Variants in FAT3 observed in about 807,000 individuals in gnomAD.
The protein encoded by FAT3 is protocadherin Fat 3.
In FAT3, 95 loss-of-function variants were observed where a neutral mutation model predicts 310.2. The observed-to-expected ratio is 0.31, with a 90% CI of 0.26 to 0.36. FAT3 has a LOEUF of 0.36. Among genes scored for constraint, FAT3 ranks in the 10% least tolerant of loss-of-function variants. The pLI, the probability that FAT3 is intolerant of heterozygous loss-of-function variation, is 1.00. For missense variants in FAT3, 5,408 were observed against 5,715.6 expected, an observed-to-expected ratio of 0.95 and a Z score of 1.74; for synonymous variants, 2,314 against 2,192.9, an observed-to-expected ratio of 1.06 and a Z score of -1.54.
chr11:92,840,420 C>G, intron 17 of FAT3, 142 bp from the exon 18 acceptor site: 1 of 685,184 alleles, frequency 1.5e-6, no homozygotes, highest in Non-Finnish European at 2.3e-6. Context: ...ACAGGGAATC[C>G]CTTCTGCTGA....
At chr11:92,509,837 A>G (rs1237200446) in intron 2 of FAT3, among the ~76,000 whole-genome samples, 2 of 152,220 alleles carry the variant, frequency 1.3e-5, no homozygotes, top group Non-Finnish European at 2.9e-5. Flanking sequence ...AGACACCAAC[A>G]GTTATTATCT....
In FAT3 at chr11:92,370,739, G is replaced by T. The variant is rs1204599648; in HGVS notation, c.3292+15335G>T. Among the ~76,000 whole-genome samples the T allele has an allele frequency of 1.3e-5, 2 of 152,140 alleles. 1 individual carries two copies. ...TCAGAAATGGAGTGAGTTTGAGTTT[G>T]GTTTATGGTCACTAAATTCTTGTGT... On this transcript the variant is annotated intron_variant, in intron 2 of 27. Transcript: ENST00000525166.
chr11:92,742,283 C>T (rs1440969192), intron 4 of FAT3, among the ~76,000 whole-genome samples: 2 of 152,178 alleles, frequency 1.3e-5, no homozygotes, highest in African/African-American at 4.8e-5. Flanking sequence ...AAGGGACAAA[C>T]AGTACAGCAG....
intron 2 of FAT3, among the ~76,000 whole-genome samples, chr11:92,412,752 C>CACATATATATATATATATATAT (rs1565296555): frequency 4.1e-5 from 1 of 24,274 alleles, no homozygotes; most frequent in African/African-American, 1.1e-4. Flanking sequence ...TATAAATATA[C>CACATATATATATATATATATAT]ATACATATAT....
At chr11:92,718,348 A>G (rs1944751783) in intron 4 of FAT3, among the ~76,000 whole-genome samples, 1 of 152,066 alleles carries the variant, frequency 6.6e-6, no homozygotes, top group African/African-American at 2.4e-5. Flanking sequence ...GGAAATGGAG[A>G]TGAGCTTGGG....
At chr11:92,740,239 CA>C (rs1452353196) in intron 4 of FAT3, among the ~76,000 whole-genome samples, 1 of 152,116 alleles carries the variant, frequency 6.6e-6, no homozygotes, top group East Asian at 1.9e-4. Context: ...AATGCCTTTT[CA>C]ATGTTTTTGG....
chr11:92,379,456 A>G (rs1267850520), intron 2 of FAT3, among the ~76,000 whole-genome samples: 1 of 152,150 alleles, frequency 6.6e-6, no homozygotes, highest in Non-Finnish European at 1.5e-5. Flanking sequence ...ATGAGCAGGA[A>G]AGCATCTTTT....
chr11:92,590,086 G>A (rs184017115), intron 3 of FAT3, among the ~76,000 whole-genome samples: 9 of 152,076 alleles, frequency 5.9e-5, no homozygotes, highest in East Asian at 1.9e-4. Context: ...TTTTCTCCAC[G>A]AAACTGCTAG....
chr11:92,448,504 C>T (rs72972445), intron 2 of FAT3, among the ~76,000 whole-genome samples: 4,878 of 152,192 alleles, frequency 0.032, 87 homozygotes, highest in African/African-American at 0.036. Context: ...CTTTAAGATG[C>T]AAAATCTATA....
chr11:92,610,252 T>C (rs1940499529), intron 3 of FAT3, among the ~76,000 whole-genome samples: 1 of 152,200 alleles, frequency 6.6e-6, no homozygotes, highest in African/African-American at 2.4e-5. Flanking sequence ...CTAGCCGATG[T>C]ATAGCTTTCA....
intron 2 of FAT3, chr11:92,367,264 G>A: frequency 3.8e-6 from 1 of 261,440 alleles, no homozygotes; most frequent in Non-Finnish European, 7.7e-6. Flanking sequence ...GGCTGTCTGG[G>A]CATGTGGTGC....
intron 3 of FAT3, among the ~76,000 whole-genome samples, chr11:92,526,390 G>A (rs607995): frequency 0.63 from 95,411 of 152,020 alleles, 30,761 homozygotes; most frequent in African/African-American, 0.79. Context: ...GAGGCCACAG[G>A]TATCTTCACA....
chr11:92,601,682 T>G (rs886668482), intron 3 of FAT3, among the ~76,000 whole-genome samples: 8 of 152,144 alleles, frequency 5.3e-5, no homozygotes, highest in African/African-American at 1.9e-4. Flanking sequence ...GACATAAAGT[T>G]GGAGGTAGAG....
Position 92,840,563 on chromosome 11 carries a change from A to C in FAT3, c.10370A>C (p.Glu3457Ala). The C allele has an allele frequency of 6.3e-7, 1 of 1,582,026 alleles. No homozygotes were observed. The highest frequency in any genetic ancestry group is 8.7e-7 in the Non-Finnish European group (1 of 1,155,966). ...TTTACTATATACTCTTTTATGCAGG[A>C]AAATAAGCCAGTGGGCACCAGCATC... ...TPANYTAVIQ[E>A]NKPVGTSILQ... The change falls in exon 18 of 28, where the codon GAA (glutamate) becomes GCA (alanine). Residue 3457 changes from glutamate to alanine, a missense_variant and splice_region_variant. Glu to Ala is a moderately radical substitution (Grantham distance 107). Transcript: ENST00000525166.
intron 2 of FAT3, among the ~76,000 whole-genome samples, chr11:92,462,641 T>C (rs1951664553): frequency 6.6e-6 from 1 of 152,194 alleles, no homozygotes. Flanking sequence ...TATTATCTGC[T>C]AAAAACCATA....
intron 2 of FAT3, among the ~76,000 whole-genome samples, chr11:92,382,051 C>T (rs923995569): frequency 6.6e-6 from 1 of 152,142 alleles, no homozygotes; most frequent in Non-Finnish European, 1.5e-5. Flanking sequence ...GAAAATTGAA[C>T]TCTGGCTCAA....
At chr11:92,849,176 C>A (rs1333413167) in intron 19 of FAT3, among the ~76,000 whole-genome samples, 7 of 152,198 alleles carry the variant, frequency 4.6e-5, no homozygotes, top group Non-Finnish European at 1.0e-4. Context: ...CAGAGCTAGT[C>A]AATGACAGAG....
At position 92,743,574 on chromosome 11, in the gene FAT3, G is replaced by A. The variant is rs1945568783; in HGVS notation, c.3670-18282G>A. 2.0e-5 allele frequency among the ~76,000 whole-genome samples: 3 copies of A among 152,316 alleles called. No homozygotes were observed. The South Asian group carries it at 6.2e-4, about 32-fold the overall frequency. On this transcript the variant is annotated intron_variant, in intron 4 of 27. Transcript: ENST00000525166. ...GGACACCTGGCCAAATGGGCCCCAG[G>A]GCACTGAATCCAGCCCACATTCACT...
chr11:92,655,748 T>C (rs898025230), intron 3 of FAT3, among the ~76,000 whole-genome samples: 1 of 152,180 alleles, frequency 6.6e-6, no homozygotes, highest in African/African-American at 2.4e-5. Context: ...TATTCAGCTA[T>C]TCAACGTTCC....
Sources: allele counts gnomAD v4.1 joint callset (sites outside exome capture counted in the v4.1 genomes callset), GRCh38; gene constraint gnomAD v4.1.1; transcripts MANE v1.5; gene names NCBI Gene and HGNC (gene_info 2026-07-23, HGNC 2026-07-21).